Variants in WWOX observed in about 807,000 individuals in gnomAD.
The protein encoded by WWOX is WW domain-containing oxidoreductase.
A neutral mutation model predicts 46.2 loss-of-function variants in WWOX; 69 were observed. The ratio of observed to expected loss-of-function variants is 1.49; its 90% CI spans 1.23 to 1.82. The LOEUF is 1.82. Ranked by LOEUF, WWOX falls within the 40% of genes most tolerant of loss-of-function variation. WWOX has a pLI of 0.00. For synonymous variants in WWOX, 359 were observed against 202.6 expected (o/e 1.77, Z -6.56); for missense variants, 919 against 542.6 (o/e 1.69, Z -6.89).
chr16:78,173,455 ATT>A (rs35394224), intron 5 of WWOX, among the ~76,000 whole-genome samples: 267 of 135,720 alleles, frequency 2.0e-3, no homozygotes, highest in Non-Finnish European at 1.6e-3. Flanking sequence ...CACCTGGCTA[ATT>A]TTTTTTTTTT....
intron 8 of WWOX, among the ~76,000 whole-genome samples, chr16:79,018,808 C>T (rs183770924): frequency 6.6e-6 from 1 of 152,106 alleles, no homozygotes; most frequent in East Asian, 1.9e-4. Context: ...TCCCCATAGA[C>T]CCAAGGATGA....
intron 8 of WWOX, among the ~76,000 whole-genome samples, chr16:78,796,074 C>G (rs2050728186): frequency 6.6e-6 from 1 of 152,158 alleles, no homozygotes; most frequent in Admixed American, 6.5e-5. Flanking sequence ...ATACTTTAGA[C>G]TGGCTAAGAG....
At chr16:79,003,535 T>C (rs1460828825) in intron 8 of WWOX, among the ~76,000 whole-genome samples, 1 of 152,130 alleles carries the variant, frequency 6.6e-6, no homozygotes, top group African/African-American at 2.4e-5. Flanking sequence ...GCTGGTTGAG[T>C]CTCCTCTTGC....
intron 4 of WWOX, among the ~76,000 whole-genome samples, chr16:78,160,501 A>G (rs2034759663): frequency 6.6e-6 from 1 of 152,136 alleles, no homozygotes; most frequent in African/African-American, 2.4e-5. Flanking sequence ...AAGTTTGTAT[A>G]TGTGTTTGTA....
intron 8 of WWOX, among the ~76,000 whole-genome samples, chr16:79,132,789 T>C (rs1400012831): frequency 6.6e-6 from 1 of 152,234 alleles, no homozygotes; most frequent in Non-Finnish European, 1.5e-5. Context: ...CTTGTACTGA[T>C]GTCAATGACT....
intron 8 of WWOX, among the ~76,000 whole-genome samples, chr16:78,702,761 G>C (rs1273196166): frequency 6.6e-6 from 1 of 152,148 alleles, no homozygotes. Flanking sequence ...AGAGGAAGCA[G>C]ATTTGTCTGC....
At chr16:79,178,999 C>A (rs113840496) in intron 8 of WWOX, among the ~76,000 whole-genome samples, 1 of 152,146 alleles carries the variant, frequency 6.6e-6, no homozygotes, top group African/African-American at 2.4e-5. Flanking sequence ...GTAAATGCAG[C>A]AGTGAGAAGA....
intron 8 of WWOX, among the ~76,000 whole-genome samples, chr16:78,783,283 A>G (rs1267159592): frequency 1.3e-5 from 2 of 152,194 alleles, no homozygotes; most frequent in Non-Finnish European, 2.9e-5. Flanking sequence ...CTCTCCTTAC[A>G]GTGTGTGTGG....
chr16:78,404,152 A>G (rs1384589373), intron 6 of WWOX, among the ~76,000 whole-genome samples: 4 of 152,138 alleles, frequency 2.6e-5, no homozygotes, highest in Non-Finnish European at 5.9e-5. Context: ...TGTGTTGTGG[A>G]TAATGGTAAC....
chr16:78,717,736 T>G (rs1279578745), intron 8 of WWOX, among the ~76,000 whole-genome samples: 3 of 152,230 alleles, frequency 2.0e-5, no homozygotes, highest in East Asian at 3.9e-4. Flanking sequence ...TTCCTTTGGG[T>G]TGGACTCTGA....
At chr16:78,878,846 A>G (rs1412135922) in intron 8 of WWOX, among the ~76,000 whole-genome samples, 1 of 146,130 alleles carries the variant, frequency 6.8e-6, no homozygotes, top group African/African-American at 2.5e-5. Flanking sequence ...TCTTGAGTCC[A>G]GGAGTTTGAG....
At chr16:78,595,303 C>G (rs954524905) in intron 8 of WWOX, among the ~76,000 whole-genome samples, 2 of 150,692 alleles carry the variant, frequency 1.3e-5, no homozygotes, top group African/African-American at 4.9e-5. Flanking sequence ...TTTTTTCCTC[C>G]TTTTTCCTGA....
chr16:78,523,736 G>A (rs551822419), intron 8 of WWOX, among the ~76,000 whole-genome samples: 4 of 152,218 alleles, frequency 2.6e-5, no homozygotes, highest in South Asian at 2.1e-4. Context: ...CCGTTTTCCC[G>A]CATACATGAT....
chr16:78,510,632 G>A (rs529500973), intron 8 of WWOX, among the ~76,000 whole-genome samples: 1 of 152,222 alleles, frequency 6.6e-6, no homozygotes, highest in African/African-American at 2.4e-5. Flanking sequence ...ATCCATGAAA[G>A]CATTGAGTGA....
At chr16:78,452,078 C>CT (rs988849479) in intron 8 of WWOX, among the ~76,000 whole-genome samples, 2 of 152,064 alleles carry the variant, frequency 1.3e-5, no homozygotes, top group African/African-American at 2.4e-5. Flanking sequence ...TGTTAGATCC[C>CT]TTTTTTGGAA....
intron 8 of WWOX, among the ~76,000 whole-genome samples, chr16:79,055,583 C>G (rs1025157842): frequency 6.6e-6 from 1 of 152,166 alleles, no homozygotes; most frequent in Non-Finnish European, 1.5e-5. Flanking sequence ...TTCCCCACCT[C>G]AAGGCCCTGT....
chr16:78,333,629 A>G (rs2080815585), intron 5 of WWOX, among the ~76,000 whole-genome samples: 1 of 152,160 alleles, frequency 6.6e-6, no homozygotes, highest in Non-Finnish European at 1.5e-5. Flanking sequence ...GTTAATTGAG[A>G]TATAGGAGTA....
At chr16:78,593,293 G>A (rs1321264110) in intron 8 of WWOX, among the ~76,000 whole-genome samples, 4 of 151,900 alleles carry the variant, frequency 2.6e-5, no homozygotes, top group East Asian at 1.9e-4. Flanking sequence ...CAGCCACCTC[G>A]GCCTCCCAAA....
chr16:78,438,496 T>C (rs572907986), intron 8 of WWOX, among the ~76,000 whole-genome samples: 1 of 151,840 alleles, frequency 6.6e-6, no homozygotes, highest in South Asian at 2.1e-4. Context: ...TTCTGGTAAA[T>C]ACATCCTTGC....
Sources: allele counts gnomAD v4.1 joint callset (sites outside exome capture counted in the v4.1 genomes callset), GRCh38; gene constraint gnomAD v4.1.1; transcripts MANE v1.5; gene names NCBI Gene and HGNC (gene_info 2026-07-23, HGNC 2026-07-21).